ZNF529: variants seen among roughly 807,000 people sequenced by gnomAD.
ZNF529 encodes the protein zinc finger protein 529.
In ZNF529, 11 loss-of-function variants were observed where a neutral mutation model predicts 10.1. That is an observed-to-expected ratio of 1.09 (90% CI 0.69 to 1.81). The LOEUF (loss-of-function observed/expected upper bound fraction) is 1.81, where lower values mean the gene tolerates loss of function less well. ZNF529 is among the 40% of genes most tolerant of loss of function. The probability of loss-of-function intolerance (pLI) is 0.00; values close to 1 mark genes in which losing one functional copy is unlikely to be tolerated. For synonymous variants in ZNF529, 204 were observed against 215.7 expected (o/e 0.95, Z 0.47); for missense variants, 624 against 666.8 (o/e 0.94, Z 0.71).
chr19:36,600,168 C>G (rs567036284), intron 1 of ZNF529, among the ~76,000 whole-genome samples: 1 of 152,284 alleles, frequency 6.6e-6, no homozygotes, highest in East Asian at 1.9e-4. Context: ...CGTGCCTGAC[C>G]AAGTCTTGTA....
chr19:36,595,926 C>T (rs1438095357), intron 1 of ZNF529, among the ~76,000 whole-genome samples: 3 of 151,788 alleles, frequency 2.0e-5, no homozygotes, highest in African/African-American at 7.3e-5. Flanking sequence ...AGGTCGTTTG[C>T]TCACCTCCAT....
chr19:36,591,297 CAAA>C (rs66878050), intron 1 of ZNF529, among the ~76,000 whole-genome samples: 5 of 72,944 alleles, frequency 6.9e-5, no homozygotes, highest in African/African-American at 4.8e-5. Context: ...GACTCCGTCT[CAAA>C]AAAAAAAAAA....
At chr19:36,557,514 T>C (rs1373011537) in intron 2 of ZNF529, among the ~76,000 whole-genome samples, 2 of 152,180 alleles carry the variant, frequency 1.3e-5, no homozygotes, top group African/African-American at 4.8e-5. Flanking sequence ...CATCAGCTCC[T>C]GTGAGAACTC....
At chr19:36,573,700 C>T (rs2036236418), upstream of ZNF529, 1 of 332,170 alleles carries the variant, frequency 3.0e-6, no homozygotes, top group African/African-American at 2.2e-5. Context: ...GAGTCGCGGA[C>T]CCGGCTGCTC....
At chr19:36,556,001 CGAA>C in intron 3 of ZNF529, 100 bp downstream of exon 3, 1 of 1,218,070 alleles carries the variant, frequency 8.2e-7, no homozygotes, top group Non-Finnish European at 1.2e-6. Flanking sequence ...TACTAGAAAG[CGAA>C]GAAGTATGGG....
In ZNF529 at chr19:36,573,143, C is replaced by A; in HGVS notation, c.-50G>T. On this transcript the variant is annotated 5_prime_UTR_variant, in exon 1 of 5. It removes an upstream start codon present in the reference 5' UTR. Coordinates refer to ENST00000591340, the MANE Select transcript of ZNF529 (RefSeq NM_020951.5). ...CGTCGTAAACAATAGCACTAACCACCATCGTCCGCAGCTCCCGCGTACAGA... is the reference window on the plus strand; with the variant it reads ...CGTCGTAAACAATAGCACTAACCACAATCGTCCGCAGCTCCCGCGTACAGA... 9.9e-6 allele frequency: 3 copies of A among 301,964 alleles called. No individual in the cohort carries two copies. Among genetic ancestry groups the A allele is most frequent in the South Asian group, 8.3e-5 (3 of 36,100 alleles). The allele number at this position is 301,964 out of a possible 1,614,324, so 18.7% of individuals were successfully genotyped here.
intron 2 of ZNF529, among the ~76,000 whole-genome samples, chr19:36,564,417 C>T (rs1470544107): frequency 6.6e-6 from 1 of 152,106 alleles, no homozygotes; most frequent in African/African-American, 2.4e-5. Flanking sequence ...AGAAAACAGT[C>T]CCACTAAAAG....
rs1024929354 is a variant in ZNF529 at position 36,568,752 on chromosome 19, G to A, written c.14+3581C>T. Among the ~76,000 whole-genome samples the A allele has an allele frequency of 3.3e-5, 5 of 152,082 alleles. No homozygotes were observed. In the East Asian group the frequency reaches 9.7e-4, roughly 29 times the overall value. On this transcript the variant is annotated intron_variant, in intron 2 of 4. Transcript: ENST00000591340. ...CTCCCAAAGTGCTGGGATTACAGGT[G>A]TGAGCCACTCTGACTTTTGAGTTTC...
intron 1 of ZNF529, among the ~76,000 whole-genome samples, chr19:36,599,056 AATTGAAAAT>A (rs2036884328): frequency 6.6e-6 from 1 of 152,350 alleles, no homozygotes; most frequent in Admixed American, 6.5e-5. Context: ...ATAGTTAACA[AATTGAAAAT>A]ATTAACAAAA....
At chr19:36,562,400 A>G (rs546774189) in intron 2 of ZNF529, among the ~76,000 whole-genome samples, 4 of 152,182 alleles carry the variant, frequency 2.6e-5, no homozygotes, top group East Asian at 1.9e-4. Context: ...TTATGCTGAA[A>G]TGAGTTTTAA....
At chr19:36,586,433 C>T (rs963822918) in intron 2 of ZNF529, among the ~76,000 whole-genome samples, 21 of 151,878 alleles carry the variant, frequency 1.4e-4, no homozygotes, top group African/African-American at 4.1e-4. Context: ...GATGAAACCC[C>T]GTCTCTACTA....
At chr19:36,565,808 AAAAGAC>A (rs2035875838) in intron 2 of ZNF529, among the ~76,000 whole-genome samples, 2 of 152,248 alleles carry the variant, frequency 1.3e-5, no homozygotes, top group African/African-American at 2.4e-5. Flanking sequence ...AATATGATTT[AAAAGAC>A]TAACGTGTAA....
upstream of ZNF529, among the ~76,000 whole-genome samples, chr19:36,575,285 A>C (rs755764648): frequency 5.3e-5 from 8 of 152,230 alleles, 1 homozygote; most frequent in Admixed American, 2.0e-4. Flanking sequence ...AAATATCACA[A>C]GCATTGGAAA....
intron 2 of ZNF529, among the ~76,000 whole-genome samples, chr19:36,587,075 G>C (rs1361616781): frequency 6.6e-6 from 1 of 152,004 alleles, no homozygotes; most frequent in African/African-American, 2.4e-5. Context: ...GACCAGCCTG[G>C]CCAACATGGT....
At chr19:36,596,363 C>G (rs1390258156) in intron 1 of ZNF529, among the ~76,000 whole-genome samples, 1 of 152,026 alleles carries the variant, frequency 6.6e-6, no homozygotes. Flanking sequence ...TGAGCCACCG[C>G]ACCCAGCCTT....
intron 1 of ZNF529, among the ~76,000 whole-genome samples, chr19:36,602,037 C>T (rs1250648215): frequency 1.4e-5 from 2 of 143,596 alleles, no homozygotes; most frequent in Non-Finnish European, 3.0e-5. Context: ...TGAGCCACTG[C>T]ACCTGAACGC....
At chr19:36,598,866 C>T (rs1487862570) in intron 1 of ZNF529, among the ~76,000 whole-genome samples, 1 of 152,122 alleles carries the variant, frequency 6.6e-6, no homozygotes, top group Non-Finnish European at 1.5e-5. Context: ...TGTCTTCTGT[C>T]CTTAACATGC....
chr19:36,566,286 A>T (rs1447211279), intron 2 of ZNF529, among the ~76,000 whole-genome samples: 1 of 152,210 alleles, frequency 6.6e-6, no homozygotes, highest in Non-Finnish European at 1.5e-5. Flanking sequence ...TTATTTGTAA[A>T]TGTAAAATAT....
chr19:36,556,199 T>C lies in ZNF529; in HGVS notation c.15-2A>G, dbSNP rs1327238060. The C allele has an allele frequency of 4.7e-6, 5 of 1,071,414 alleles. No homozygotes were observed. Among genetic ancestry groups the C allele is most frequent in the Non-Finnish European group, 7.1e-6 (5 of 708,392 alleles). The allele number at this position is 1,071,414 out of a possible 1,614,324, so 66.4% of individuals were successfully genotyped here. A position where few individuals can be genotyped will look rare whatever the true frequency, so the allele number is the denominator to read the frequency against. On this transcript the variant is annotated splice_acceptor_variant, in intron 2 of 4. Transcript: ENST00000591340. LOFTEE classifies it high-confidence loss of function. Reference sequence around the variant, plus strand: ...CCATGGACATGATCCCCAATGAAACTGTAAAAATTATTTTTTAAGAAAGAA... The same window carrying C: ...CCATGGACATGATCCCCAATGAAACCGTAAAAATTATTTTTTAAGAAAGAA...
Sources: allele counts gnomAD v4.1 joint callset (sites outside exome capture counted in the v4.1 genomes callset), GRCh38; gene constraint gnomAD v4.1.1; transcripts MANE v1.5; gene names NCBI Gene and HGNC (gene_info 2026-07-23, HGNC 2026-07-21).